Variants in DOCK10 observed in about 807,000 individuals in gnomAD.
DOCK10 encodes dedicator of cytokinesis protein 10.
A neutral mutation model predicts 280.1 loss-of-function variants in DOCK10; 145 were observed. That is an observed-to-expected ratio of 0.52 (90% CI 0.45 to 0.59). The LOEUF is 0.59. DOCK10 is among the 20% of genes least tolerant of loss of function. DOCK10 has a pLI of 0.00. For missense variants in DOCK10, 2,368 were observed against 2,651.7 expected, an observed-to-expected ratio of 0.89 and a Z score of 2.35; for synonymous variants, 915 against 942.2, an observed-to-expected ratio of 0.97 and a Z score of 0.53.
rs1247940376 is a variant in DOCK10, at chr2:225,001,384, G to C, written c.123+40868C>G. On this transcript the variant is annotated intron_variant, in intron 1 of 55. Transcript: ENST00000258390. ...AGCTCACTGCAAGCTCCGCCTCCCG[G>C]GTTTACGCCATTCTCCTGCCTCAGC... Among the ~76,000 whole-genome samples the C allele has an allele frequency of 2.0e-5, 3 of 148,674 alleles. No homozygotes were observed. In the South Asian group the frequency reaches 6.3e-4, roughly 31 times the overall value.
At chr2:224,773,557 C>A (rs1690600474) in intron 52 of DOCK10, among the ~76,000 whole-genome samples, 1 of 152,138 alleles carries the variant, frequency 6.6e-6, no homozygotes. Context: ...GACCTGTGTG[C>A]CCTTCTGCCT....
intron 29 of DOCK10, among the ~76,000 whole-genome samples, chr2:224,818,977 G>A (rs1039179814): frequency 1.3e-5 from 2 of 152,162 alleles, no homozygotes; most frequent in East Asian, 3.9e-4. Flanking sequence ...GGCTCCATTA[G>A]CAGCAGTTCA....
At chr2:224,895,835 G>GTATATATA (rs1448998111) in intron 4 of DOCK10, among the ~76,000 whole-genome samples, 3 of 121,566 alleles carry the variant, frequency 2.5e-5, no homozygotes, top group African/African-American at 1.1e-4. Flanking sequence ...GTGTGTGCGT[G>GTATATATA]TGTGTGTATA....
chr2:224,944,035 T>C (rs1335387089), intron 1 of DOCK10, among the ~76,000 whole-genome samples: 2 of 152,172 alleles, frequency 1.3e-5, no homozygotes, highest in Admixed American at 6.5e-5. Context: ...AGTGCTGGGA[T>C]TACAGGCATA....
chr2:224,864,696 T>A, intron 12 of DOCK10, 21 bp from the exon 13 acceptor site: 1 of 1,599,148 alleles, frequency 6.3e-7, no homozygotes, highest in Middle Eastern at 1.7e-4. Flanking sequence ...AGAAAGCAGC[T>A]AATAAGCATG....
At chr2:225,035,570 A>ATATTATATATATATATATATATATAT (rs1553634921) in intron 1 of DOCK10, among the ~76,000 whole-genome samples, 4 of 58,234 alleles carry the variant, frequency 6.9e-5, no homozygotes, top group Non-Finnish European at 1.6e-4. Context: ...ATATATATAT[A>ATATTATATATATATATATATATATAT]TATATATATA....
chr2:224,793,040 A>C lies in DOCK10; in HGVS notation c.5245T>G (p.Ser1749Ala). Residue 1749 changes from serine (S) to alanine (A), a missense_variant, in exon 47 of 56, where the codon TCC becomes GCC. Around this residue, in one of 2 missense-constraint regions of DOCK10, gnomAD observed 1,159 missense variants for 1,400.8 expected, o/e 0.83. Coordinates refer to ENST00000258390, the MANE Select transcript of DOCK10 (RefSeq NM_014689.3). The part of the protein sequence containing the change: ...YWKVEKICTA[S>A]LLSEDTHPCD... ...GGGTGGGTATCCTCCGAGAGCAGGG[A>C]TGCTGTGCAAATCTTTTCCACTTTC... 1 of 1,613,624 alleles carries C rather than the reference A, an allele frequency of 6.2e-7. No homozygotes were observed.
intron 26 of DOCK10, among the ~76,000 whole-genome samples, chr2:224,831,092 C>T (rs1184865937): frequency 6.6e-6 from 1 of 152,044 alleles, no homozygotes; most frequent in East Asian, 1.9e-4. Flanking sequence ...GTCACCATGC[C>T]CAGCTAACTT....
intron 1 of DOCK10, among the ~76,000 whole-genome samples, chr2:224,957,919 G>C (rs1704146479): frequency 6.6e-6 from 1 of 152,202 alleles, no homozygotes; most frequent in South Asian, 2.1e-4. Context: ...CCTAGGCAAA[G>C]GCCCAAGGAA....
rs1705033308 is a variant in DOCK10, at chr2:224,970,672, G to A, written c.124-39004C>T. Among the ~76,000 whole-genome samples, 1 of 152,128 alleles carries A rather than the reference G, an allele frequency of 6.6e-6. No individual in the cohort carries two copies. Among genetic ancestry groups the A allele is most frequent in the Non-Finnish European group, 1.5e-5 (1 of 68,022 alleles). ...CACAGTTGCATTCTGTATCTCCACA[G>A]CATCTGTTCTGCTCATAGCTTTACT... is the stretch of plus-strand genomic sequence containing the variant. On this transcript the variant is annotated intron_variant, in intron 1 of 55. Transcript: ENST00000258390. This position sits in a 1 kb window ranked among gnomAD's most constrained non-coding sequence, Gnocchi z 4.6.
intron 1 of DOCK10, among the ~76,000 whole-genome samples, chr2:224,957,670 G>A (rs1704130783): frequency 6.6e-6 from 1 of 152,150 alleles, no homozygotes. Context: ...AGTACCTCTT[G>A]AAAGCCGAGC....
intron 30 of DOCK10, among the ~76,000 whole-genome samples, chr2:224,815,307 C>T (rs1335350005): frequency 6.6e-6 from 1 of 152,166 alleles, no homozygotes; most frequent in African/African-American, 2.4e-5. Context: ...GTCAATTCAA[C>T]CTCTTTTTTT....
chr2:224,800,092 A>G lies in DOCK10; in HGVS notation c.4506+59T>C, dbSNP rs934092193. 6.8e-6 allele frequency: 7 copies of G among 1,021,962 alleles called. No individual in the cohort carries two copies. The African/African-American group carries it at 1.1e-4, about 16-fold the overall frequency. 63.3% of individuals were successfully genotyped at this position (1,021,962 alleles called of 1,614,324 possible). A position where few individuals can be genotyped will look rare whatever the true frequency, so the allele number is the denominator to read the frequency against. ...AAAAAAACCATGTTTTTGACTTCACATGGTTTTTCTACCTCATATTTCATC... is the reference window on the plus strand; with the variant it reads ...AAAAAAACCATGTTTTTGACTTCACGTGGTTTTTCTACCTCATATTTCATC... On this transcript the variant is annotated intron_variant, in intron 41 of 55. Transcript: ENST00000258390.
intron 43 of DOCK10, 43 bp from the exon 44 acceptor site, chr2:224,796,469 A>C (rs1355866874): frequency 7.9e-7 from 1 of 1,266,626 alleles, no homozygotes; most frequent in South Asian, 1.3e-5. Flanking sequence ...AAGACCAGAA[A>C]TAGTCTTCTT....
At chr2:224,832,185 C>G (rs1386996680) in intron 26 of DOCK10, among the ~76,000 whole-genome samples, 1 of 152,200 alleles carries the variant, frequency 6.6e-6, no homozygotes, top group East Asian at 1.9e-4. Flanking sequence ...TGCTTTACTT[C>G]ACAATTTTGC....
intron 1 of DOCK10, among the ~76,000 whole-genome samples, chr2:225,003,162 T>C (rs1254958278): frequency 6.6e-6 from 1 of 152,168 alleles, no homozygotes; most frequent in Non-Finnish European, 1.5e-5. Flanking sequence ...TGCTCCCACC[T>C]CAGCCTCCCG....
chr2:224,865,538 C>T (rs1311732422), intron 11 of DOCK10, among the ~76,000 whole-genome samples: 4 of 152,098 alleles, frequency 2.6e-5, no homozygotes, highest in Non-Finnish European at 4.4e-5. Context: ...GCATTTATTA[C>T]GTGTTTGCCA....
intron 41 of DOCK10, among the ~76,000 whole-genome samples, chr2:224,799,922 CT>C (rs1369914332): frequency 6.6e-6 from 1 of 152,112 alleles, no homozygotes; most frequent in Non-Finnish European, 1.5e-5. Flanking sequence ...GGAAGAAAGA[CT>C]ATTTGACAAT....
At chr2:225,035,542 T>TTTTATATA (rs1553634838) in intron 1 of DOCK10, among the ~76,000 whole-genome samples, 8 of 50,016 alleles carry the variant, frequency 1.6e-4, no homozygotes, top group South Asian at 1.7e-3. Context: ...ATGATATATA[T>TTTTATATA]TATATATATA....
Sources: allele counts gnomAD v4.1 joint callset (sites outside exome capture counted in the v4.1 genomes callset), GRCh38; gene constraint gnomAD v4.1.1; regional missense constraint gnomAD v4.1.1; non-coding constraint Gnocchi (gnomAD v3.1); transcripts MANE v1.5; gene names NCBI Gene and HGNC (gene_info 2026-07-23, HGNC 2026-07-21).